Variants in PPP2R3A observed in about 807,000 individuals in gnomAD.
The protein encoded by PPP2R3A is serine/threonine-protein phosphatase 2A regulatory subunit B'' subunit alpha.
A neutral mutation model predicts 106.9 loss-of-function variants in PPP2R3A; 80 were observed. That is an observed-to-expected ratio of 0.75 (90% CI 0.62 to 0.90). The LOEUF is 0.90. Ranked by LOEUF, PPP2R3A falls within the 40% of genes least tolerant of loss-of-function variation. The pLI, the probability that PPP2R3A is intolerant of heterozygous loss-of-function variation, is 0.00. For synonymous variants in PPP2R3A, 483 were observed against 468.3 expected (o/e 1.03, Z -0.41); for missense variants, 1,386 against 1,350.4 (o/e 1.03, Z -0.41).
At chr3:136,097,751 G>C (rs1937249077) in intron 10 of PPP2R3A, among the ~76,000 whole-genome samples, 1 of 151,908 alleles carries the variant, frequency 6.6e-6, no homozygotes, top group African/African-American at 2.4e-5. Flanking sequence ...GGAATTTCAA[G>C]ACACAAAGAG....
chr3:136,145,278 T>C lies in PPP2R3A; in HGVS notation c.*112T>C, dbSNP rs908417766. Reference sequence around the variant, plus strand: ...AAAGACTTTGATTTCTCCAAGTGTGTATCATCTGCACTAGGAACTTTGTTT... The same window carrying C: ...AAAGACTTTGATTTCTCCAAGTGTGCATCATCTGCACTAGGAACTTTGTTT... On this transcript the variant is annotated 3_prime_UTR_variant, in exon 14 of 14. Transcript: ENST00000264977. The C allele has an allele frequency of 6.8e-5, 90 of 1,329,106 alleles. No individual in the cohort carries two copies. Among genetic ancestry groups the C allele is most frequent in the Non-Finnish European group, 8.7e-5 (87 of 995,564 alleles). 82.3% of individuals were successfully genotyped at this position (1,329,106 alleles called of 1,614,324 possible). A position where few individuals can be genotyped will look rare whatever the true frequency, so the allele number is the denominator to read the frequency against.
intron 3 of PPP2R3A, among the ~76,000 whole-genome samples, chr3:136,028,210 T>C (rs1302268689): frequency 1.3e-5 from 2 of 152,170 alleles, no homozygotes; most frequent in Admixed American, 1.3e-4. Flanking sequence ...TTCCATTGTG[T>C]ATTATTGGAG....
At chr3:136,044,669 T>C (rs1381601351) in intron 4 of PPP2R3A, among the ~76,000 whole-genome samples, 1 of 151,202 alleles carries the variant, frequency 6.6e-6, no homozygotes, top group Non-Finnish European at 1.5e-5. Context: ...AACCAAAATA[T>C]TGAGTAAACC....
chr3:135,982,594 C>T (rs1028125528), intron 1 of PPP2R3A, among the ~76,000 whole-genome samples: 6 of 152,174 alleles, frequency 3.9e-5, no homozygotes, highest in Admixed American at 1.3e-4. Flanking sequence ...GGCTCTCTTA[C>T]AGCAGATGAG....
chr3:136,036,984 A>G (rs1289855093), intron 3 of PPP2R3A, among the ~76,000 whole-genome samples: 2 of 152,222 alleles, frequency 1.3e-5, no homozygotes, highest in African/African-American at 4.8e-5. Context: ...TATTCTTATG[A>G]TAGGTTGGCA....
chr3:135,996,827 T>C (rs919255203), intron 1 of PPP2R3A, among the ~76,000 whole-genome samples: 65 of 152,306 alleles, frequency 4.3e-4, no homozygotes, highest in African/African-American at 1.4e-3. Context: ...TCTTCCCAAA[T>C]TCCTTAATAC....
chr3:136,050,134 A>G (rs545208557), intron 5 of PPP2R3A, among the ~76,000 whole-genome samples: 9 of 152,332 alleles, frequency 5.9e-5, no homozygotes, highest in Admixed American at 2.0e-4. Context: ...CATAGACTCT[A>G]TATGTACTTA....
At chr3:136,091,059 A>C (rs1431160823) in intron 10 of PPP2R3A, among the ~76,000 whole-genome samples, 1 of 152,232 alleles carries the variant, frequency 6.6e-6, no homozygotes, top group Non-Finnish European at 1.5e-5. Context: ...ACACATCCTC[A>C]GTCTGCCAGT....
chr3:136,103,807 A>G (rs992515171), intron 12 of PPP2R3A, among the ~76,000 whole-genome samples: 1 of 152,226 alleles, frequency 6.6e-6, no homozygotes, highest in Non-Finnish European at 1.5e-5. Flanking sequence ...AGAGTTCTCC[A>G]TGATAGAAAA....
chr3:136,006,187 A>G (rs563981896), intron 2 of PPP2R3A, among the ~76,000 whole-genome samples: 5 of 152,230 alleles, frequency 3.3e-5, no homozygotes, highest in Non-Finnish European at 5.9e-5. Flanking sequence ...GTCTCCTGCC[A>G]TTCTTTTAAA....
At chr3:136,014,355 G>A (rs1375264182) in intron 2 of PPP2R3A, among the ~76,000 whole-genome samples, 2 of 151,860 alleles carry the variant, frequency 1.3e-5, no homozygotes, top group African/African-American at 4.8e-5. Context: ...TTTGTGAAGA[G>A]GGATGGTGGT....
intron 2 of PPP2R3A, among the ~76,000 whole-genome samples, chr3:136,018,951 G>C (rs957016503): frequency 1.2e-4 from 18 of 152,198 alleles, no homozygotes; most frequent in Non-Finnish European, 7.3e-5. Context: ...CCCAGACCCA[G>C]ACCAAGACAG....
At chr3:136,107,826 C>A (rs2107977452) in intron 13 of PPP2R3A, among the ~76,000 whole-genome samples, 1 of 152,154 alleles carries the variant, frequency 6.6e-6, no homozygotes, top group East Asian at 1.9e-4. Context: ...GATTCACAAG[C>A]ATGATTTAAA....
intron 4 of PPP2R3A, among the ~76,000 whole-genome samples, chr3:136,044,252 A>C (rs1935394645): frequency 6.6e-6 from 1 of 152,242 alleles, no homozygotes; most frequent in Non-Finnish European, 1.5e-5. Flanking sequence ...AGCTCTAATA[A>C]GCACAAATGA....
At chr3:136,063,885 A>C (rs1337914890) in intron 5 of PPP2R3A, among the ~76,000 whole-genome samples, 2 of 150,184 alleles carry the variant, frequency 1.3e-5, no homozygotes, top group African/African-American at 2.5e-5. Context: ...TAGAACTAGA[A>C]ATACCATTTG....
intron 10 of PPP2R3A, among the ~76,000 whole-genome samples, chr3:136,093,147 G>A (rs1937134006): frequency 6.6e-6 from 1 of 152,210 alleles, no homozygotes; most frequent in African/African-American, 2.4e-5. Flanking sequence ...GATGACTCAT[G>A]CCAGTATTCC....
intron 12 of PPP2R3A, among the ~76,000 whole-genome samples, chr3:136,104,854 A>G (rs562700309): frequency 2.0e-5 from 3 of 152,384 alleles, no homozygotes; most frequent in East Asian, 3.9e-4. Context: ...TAAAATTTCA[A>G]GAAAATTCAC....
chr3:136,032,736 A>T (rs996595220), intron 3 of PPP2R3A, among the ~76,000 whole-genome samples: 1 of 152,000 alleles, frequency 6.6e-6, no homozygotes, highest in African/African-American at 2.4e-5. Flanking sequence ...GGGTTTCACC[A>T]TGTTAGCCAG....
At chr3:136,104,645 A>T (rs1937470162) in intron 12 of PPP2R3A, among the ~76,000 whole-genome samples, 1 of 152,132 alleles carries the variant, frequency 6.6e-6, no homozygotes, top group Non-Finnish European at 1.5e-5. Flanking sequence ...AACCCCAAAC[A>T]TTGCCAGTTG....
Sources: allele counts gnomAD v4.1 joint callset (sites outside exome capture counted in the v4.1 genomes callset), GRCh38; gene constraint gnomAD v4.1.1; transcripts MANE v1.5; gene names NCBI Gene and HGNC (gene_info 2026-07-23, HGNC 2026-07-21).